Variants in FOXN3 observed in about 807,000 individuals in gnomAD.
FOXN3 encodes the protein forkhead box protein N3.
In FOXN3, 7 loss-of-function variants were observed where a neutral mutation model predicts 38.4. The ratio of observed to expected loss-of-function variants is 0.18; its 90% CI spans 0.10 to 0.34. The LOEUF (loss-of-function observed/expected upper bound fraction) is 0.34. Ranked by LOEUF, FOXN3 falls within the 10% of genes least tolerant of loss-of-function variation. FOXN3 has a pLI of 1.00. For missense variants in FOXN3, 456 were observed against 613.4 expected, an observed-to-expected ratio of 0.74 and a Z score of 2.71; for synonymous variants, 230 against 242.2, an observed-to-expected ratio of 0.95 and a Z score of 0.47.
rs1378904001 is a variant in FOXN3, at chr14:89,363,963, TATATA to T, written c.544-13160_544-13156del. 3.9e-3 allele frequency among the ~76,000 whole-genome samples: 105 copies of T among 27,098 alleles called. 2 individuals carry two copies. The highest frequency in any genetic ancestry group is 0.011 in the African/African-American group (100 of 8,960). The allele number at this position is 27,098 out of a possible 152,430, so 17.8% of individuals were successfully genotyped here. A position where few individuals can be genotyped will look rare whatever the true frequency, so the allele number is the denominator to read the frequency against. On this transcript the variant is annotated intron_variant, in intron 2 of 5. Transcript: ENST00000557258. ...TGTCTGTAAAATATATATATATATA[TATATA>T]TATATATATATATATATATAATATA...
At chr14:89,420,885 T>TTAA (rs1555352963), upstream of FOXN3, among the ~76,000 whole-genome samples, 1 of 140,828 alleles carries the variant, frequency 7.1e-6, no homozygotes, top group Non-Finnish European at 1.5e-5. Flanking sequence ...AGATACGAAT[T>TTAA]AAAAAAAAAA....
chr14:89,399,109 G>A (rs972265274), intron 2 of FOXN3, among the ~76,000 whole-genome samples: 2 of 152,252 alleles, frequency 1.3e-5, no homozygotes, highest in Admixed American at 6.5e-5. Context: ...GATTTTCCGA[G>A]CAGCTATCTT....
rs1408556663 is a variant in FOXN3 at position 89,157,567 on chromosome 14, CCA to C, written c.*4845_*4846del. 6.6e-6 allele frequency: 1 copy of C among 152,558 alleles called. No homozygotes were observed. Among genetic ancestry groups the C allele is most frequent in the East Asian group, 1.9e-4 (1 of 5,194 alleles). 9.5% of individuals were successfully genotyped at this position (152,558 alleles called of 1,614,324 possible). ...TCATGAAACTCCAGAAACAGGAACA[CCA>C]CACAATGTATATACTTTGATTTACA... On this transcript the variant is annotated 3_prime_UTR_variant, in exon 6 of 6. Coordinates refer to ENST00000557258, the MANE Select transcript of FOXN3 (RefSeq NM_005197.4).
chr14:89,442,866 A>G (rs911226665), intron 1 of FOXN3, among the ~76,000 whole-genome samples: 7 of 152,220 alleles, frequency 4.6e-5, no homozygotes, highest in Middle Eastern at 3.2e-3. Context: ...AAAATGGTGA[A>G]TGGTCTTAGG....
chr14:89,551,579 G>A (rs991315871), intron 1 of FOXN3, among the ~76,000 whole-genome samples: 1 of 152,126 alleles, frequency 6.6e-6, no homozygotes, highest in Admixed American at 6.6e-5. Flanking sequence ...GGAAAGGAGA[G>A]GGCCATGTGC....
chr14:89,186,475 G>A (rs1444052531), intron 4 of FOXN3, among the ~76,000 whole-genome samples: 1 of 152,098 alleles, frequency 6.6e-6, no homozygotes, highest in Admixed American at 6.5e-5. Context: ...TGTCAAACGG[G>A]AACTGCAAAG....
chr14:89,590,836 A>C (rs1895935740), intron 1 of FOXN3, among the ~76,000 whole-genome samples: 1 of 152,186 alleles, frequency 6.6e-6, no homozygotes, highest in Non-Finnish European at 1.5e-5. Context: ...CTTGTCTGAT[A>C]GTAGGTCATA....
At chr14:89,272,661 G>A (rs1449613052) in intron 4 of FOXN3, among the ~76,000 whole-genome samples, 2 of 152,116 alleles carry the variant, frequency 1.3e-5, no homozygotes, top group African/African-American at 4.8e-5. Context: ...AGACCAGCCT[G>A]GCCAACATGG....
chr14:89,178,991 C>T (rs1172928179), intron 5 of FOXN3, among the ~76,000 whole-genome samples: 1 of 152,130 alleles, frequency 6.6e-6, no homozygotes, highest in Non-Finnish European at 1.5e-5. Context: ...TATGAGGCAA[C>T]ACAGGAAAGA....
intron 1 of FOXN3, among the ~76,000 whole-genome samples, chr14:89,505,485 C>G (rs954776251): frequency 1.3e-5 from 2 of 152,256 alleles, no homozygotes; most frequent in African/African-American, 2.4e-5. Context: ...CTGTGTTGGC[C>G]GGGCTGGTCT....
At chr14:89,481,484 G>A (rs1893328755) in intron 1 of FOXN3, among the ~76,000 whole-genome samples, 1 of 152,094 alleles carries the variant, frequency 6.6e-6, no homozygotes. Flanking sequence ...TATGTGGTCT[G>A]AGAACAGATT....
intron 2 of FOXN3, among the ~76,000 whole-genome samples, chr14:89,371,921 G>A (rs1219177757): frequency 1.3e-5 from 2 of 151,978 alleles, no homozygotes; most frequent in African/African-American, 4.8e-5. Context: ...GTCCCGGGGG[G>A]ATGGAAGTTC....
intron 2 of FOXN3, among the ~76,000 whole-genome samples, chr14:89,378,199 A>G (rs1024160262): frequency 6.6e-6 from 1 of 152,230 alleles, no homozygotes; most frequent in Non-Finnish European, 1.5e-5. Flanking sequence ...TACCTTGTGC[A>G]TATTATCCAT....
chr14:89,318,162 CT>C (rs10624729), intron 3 of FOXN3, among the ~76,000 whole-genome samples: 27 of 127,472 alleles, frequency 2.1e-4, no homozygotes, highest in South Asian at 1.7e-3. Context: ...TTCTTCTTCT[CT>C]TTTTTTTTTT....
intron 4 of FOXN3, among the ~76,000 whole-genome samples, chr14:89,188,115 A>G (rs745462948): frequency 7.2e-5 from 11 of 152,118 alleles, no homozygotes; most frequent in Non-Finnish European, 1.6e-4. Context: ...TTTCTCACAC[A>G]GCGGTAATAG....
chr14:89,582,940 A>T lies in FOXN3; in HGVS notation c.-15+36088T>A, dbSNP rs575780222. On this transcript the variant is annotated intron_variant, in intron 1 of 6. Transcript: ENST00000345097. ...TATTTTGAGATTCTTCCATAATGTC[A>T]TGTGTATCAATAGTTTATTTTTATT... Among the ~76,000 whole-genome samples, 3 of 152,240 alleles carry T rather than the reference A, an allele frequency of 2.0e-5. No individual in the cohort carries two copies. In the South Asian group the frequency reaches 6.2e-4, roughly 32 times the overall value.
chr14:89,244,223 A>G (rs1436698683), intron 4 of FOXN3, among the ~76,000 whole-genome samples: 1 of 152,250 alleles, frequency 6.6e-6, no homozygotes, highest in Non-Finnish European at 1.5e-5. Context: ...ACATACATAC[A>G]TGATATTGGT....
intron 2 of FOXN3, among the ~76,000 whole-genome samples, chr14:89,404,431 G>A (rs945583518): frequency 3.4e-5 from 5 of 147,878 alleles, no homozygotes; most frequent in Non-Finnish European, 7.4e-5. Context: ...TTGAACCTGG[G>A]AAGGCGGAGG....
chr14:89,478,105 C>G (rs770916008), intron 1 of FOXN3, among the ~76,000 whole-genome samples: 9 of 152,120 alleles, frequency 5.9e-5, no homozygotes, highest in African/African-American at 1.2e-4. Context: ...GGGTCATCCC[C>G]TTGGTGATAA....
Sources: allele counts gnomAD v4.1 joint callset (sites outside exome capture counted in the v4.1 genomes callset), GRCh38; gene constraint gnomAD v4.1.1; transcripts MANE v1.5; gene names NCBI Gene and HGNC (gene_info 2026-07-23, HGNC 2026-07-21).